The following CSF2RA variants were observed in gnomAD, a reference collection of about 807,000 sequenced individuals.
CSF2RA encodes the protein colony stimulating factor 2 receptor subunit alpha.
In CSF2RA, 42 loss-of-function variants were observed where a neutral mutation model predicts 51.6. That is an observed-to-expected ratio of 0.81 (90% CI 0.64 to 1.05). CSF2RA has a LOEUF of 1.05. Among genes scored for constraint, CSF2RA ranks in the 50% least tolerant of loss-of-function variants. The probability of loss-of-function intolerance (pLI) is 0.00; values close to 1 mark genes in which losing one functional copy is unlikely to be tolerated. For missense variants in CSF2RA, 530 were observed against 501.1 expected (o/e 1.06, Z -0.55); for synonymous variants, 222 against 193.0 (o/e 1.15, Z -1.24).
rs200259335 is a variant in CSF2RA, at chrX:1,305,525, G to C, written c.1123G>C (p.Glu375Gln). 5 of 1,613,982 alleles carry C rather than the reference G, an allele frequency of 3.1e-6. No homozygotes were observed. Among genetic ancestry groups the C allele is most frequent in the Non-Finnish European group, 4.2e-6 (5 of 1,179,874 alleles). ...GAATGATAACCATGAGGTGGAAGAC[G>C]AGGTAGGCAGGGGTGGGCGGAGCAG... The part of the protein sequence containing the change: ...KLNDNHEVED[E>Q]IIWEEFTPEE... Residue 375 changes from glutamate (E) to glutamine (Q), a missense_variant and splice_region_variant, in exon 12 of 13, where the codon GAG (glutamate) becomes CAG (glutamine). Transcript: ENST00000381529.
chrX:1,294,167 T>A, intron 7 of CSF2RA, 161 bp from the exon 8 acceptor site: 1 of 851,968 alleles, frequency 1.2e-6, no homozygotes, highest in African/African-American at 1.7e-5. Context: ...GTCAAAGAGG[T>A]GTCCCTACTC....
chrX:1,306,061 G>A (rs2083535450), intron 12 of CSF2RA: 7 of 403,214 alleles, frequency 1.7e-5, no homozygotes, highest in Non-Finnish European at 2.8e-5. Flanking sequence ...CAGCCTGGGT[G>A]ACAGAGCGAG....
At chrX:1,311,181 G>A (rs190424177), downstream of CSF2RA, among the ~76,000 whole-genome samples, 39 of 151,752 alleles carry the variant, frequency 2.6e-4, 2 homozygotes, top group East Asian at 7.2e-3. Flanking sequence ...CCCGGGAGGC[G>A]GAGGTGGCAG....
In CSF2RA at chrX:1,287,695, C is replaced by G. The variant is rs111294565; in HGVS notation, c.220-824C>G. ...CTGACCTCAAGTGATCCACCCGCCT[C>G]GGCCTCCCAGAGTGCTGGCATTACA... On this transcript the variant is annotated intron_variant, in intron 4 of 12. Coordinates refer to ENST00000381529, the MANE Select transcript of CSF2RA (RefSeq NM_172245.4). 2.4e-5 allele frequency among the ~76,000 whole-genome samples: 3 copies of G among 125,782 alleles called. No individual in the cohort carries two copies. In the Admixed American group the frequency reaches 2.4e-4, roughly 10 times the overall value. The allele number at this position is 125,782 out of a possible 152,430, so 82.5% of individuals were successfully genotyped here.
intron 9 of CSF2RA, among the ~76,000 whole-genome samples, chrX:1,296,514 C>G (rs867181725): frequency 4.3e-5 from 1 of 23,088 alleles, no homozygotes; most frequent in African/African-American, 1.6e-4. Flanking sequence ...CCCATGACCC[C>G]TGGCGGAACT....
At chrX:1,306,875 G>A (rs181709924) in intron 12 of CSF2RA, among the ~76,000 whole-genome samples, 6 of 150,900 alleles carry the variant, frequency 4.0e-5, no homozygotes, top group Non-Finnish European at 7.4e-5. Context: ...GAGAGAGAGA[G>A]AGACAGAAAG....
chrX:1,310,540 CGCCTGTAGTCCCAGCT>C (rs749500939), downstream of CSF2RA, among the ~76,000 whole-genome samples: 304 of 151,152 alleles, frequency 2.0e-3, no homozygotes, highest in African/African-American at 7.2e-3. Flanking sequence ...TGGTAGCGGG[CGCCTGTAGTCCCAGCT>C]ACTCGGGAGG....
chrX:1,323,963 A>G, the CSF2RA span, among the ~76,000 whole-genome samples: 9 of 152,000 alleles, frequency 5.9e-5, no homozygotes, highest in African/African-American at 1.2e-4. Context: ...GTGGTGAGCC[A>G]AGATCACCCC....
rs747013292 is a variant in CSF2RA at position 1,309,754 on chromosome X, G to A, written c.*275G>A. On this transcript the variant is annotated 3_prime_UTR_variant, in exon 13 of 13. Transcript: ENST00000381529. ...ATGCAGAAATTTACCCAGGCACGGC[G>A]GCGGACGCCCATCATCCCAGCTACT... is the stretch of plus-strand genomic sequence containing the variant. 6.2e-5 allele frequency: 43 copies of A among 688,180 alleles called. No homozygotes were observed. The highest frequency in any genetic ancestry group is 5.4e-4 in the East Asian group (20 of 36,976). The allele number at this position is 688,180 out of a possible 1,614,324, so 42.6% of individuals were successfully genotyped here. A position where few individuals can be genotyped will look rare whatever the true frequency, so the allele number is the denominator to read the frequency against.
At chrX:1,274,294 G>A (rs1480619097) in intron 1 of CSF2RA, among the ~76,000 whole-genome samples, 8 of 151,818 alleles carry the variant, frequency 5.3e-5, no homozygotes, top group Non-Finnish European at 8.8e-5. Context: ...GATACACAGG[G>A]CACAATTTGC....
At chrX:1,317,246 C>CTTTTTTTTTTTTTTTTTTTTT in the CSF2RA span, among the ~76,000 whole-genome samples, 2 of 57,834 alleles carry the variant, frequency 3.5e-5, no homozygotes, top group African/African-American at 1.5e-4. Flanking sequence ...CCACGCTCAG[C>CTTTTTTTTTTTTTTTTTTTTT]TTTTTTTTTT....
At chrX:1,286,456 C>G (rs1446765428) in intron 4 of CSF2RA, among the ~76,000 whole-genome samples, 5 of 127,402 alleles carry the variant, frequency 3.9e-5, no homozygotes, top group Admixed American at 3.3e-4. Context: ...GTAATCCCAG[C>G]TACTCGGGAG....
chrX:1,295,880 C>A (rs1452213644), intron 9 of CSF2RA, among the ~76,000 whole-genome samples: 1 of 127,320 alleles, frequency 7.9e-6, no homozygotes, highest in Non-Finnish European at 1.7e-5. Flanking sequence ...ACTCTACAGT[C>A]CCCTACTCAT....
intron 12 of CSF2RA, among the ~76,000 whole-genome samples, chrX:1,307,503 A>C: frequency 6.9e-6 from 1 of 145,766 alleles, no homozygotes; most frequent in African/African-American, 2.6e-5. Flanking sequence ...AATGAGGCCC[A>C]CTCTCCCCGT....
intron 12 of CSF2RA, 93 bp from the exon 13 acceptor site, chrX:1,309,309 C>A: frequency 7.6e-7 from 1 of 1,310,288 alleles, no homozygotes; most frequent in Non-Finnish European, 1.1e-6. Flanking sequence ...AATGAGACTC[C>A]GTCTCGAGGG....
At chrX:1,311,819 G>A (rs1301540709), downstream of CSF2RA, among the ~76,000 whole-genome samples, 3 of 152,060 alleles carry the variant, frequency 2.0e-5, no homozygotes, top group South Asian at 4.1e-4. Flanking sequence ...AAGACGAGAC[G>A]GAAATTCATT....
At chrX:1,283,685 A>G (rs1185761608) in intron 3 of CSF2RA, among the ~76,000 whole-genome samples, 2 of 151,586 alleles carry the variant, frequency 1.3e-5, no homozygotes, top group Non-Finnish European at 2.9e-5. Context: ...CTCCTGCCTC[A>G]GCCTCCCGAG....
In CSF2RA at chrX:1,309,765, A is replaced by T. The variant is rs1355163345; in HGVS notation, c.*286A>T. ...TACCCAGGCACGGCGGCGGACGCCCATCATCCCAGCTACTTGGGAGGCTGA... is the reference window on the plus strand; with the variant it reads ...TACCCAGGCACGGCGGCGGACGCCCTTCATCCCAGCTACTTGGGAGGCTGA... On this transcript the variant is annotated 3_prime_UTR_variant, in exon 13 of 13. Transcript: ENST00000381529. The T allele has an allele frequency of 2.1e-5, 14 of 658,624 alleles. No homozygotes were observed. In the Admixed American group the frequency reaches 2.1e-4, roughly 10 times the overall value. 40.8% of individuals were successfully genotyped at this position (658,624 alleles called of 1,614,324 possible). A position where few individuals can be genotyped will look rare whatever the true frequency, so the allele number is the denominator to read the frequency against.
chrX:1,288,131 G>C (rs1163194791), intron 4 of CSF2RA, among the ~76,000 whole-genome samples: 1 of 151,964 alleles, frequency 6.6e-6, no homozygotes, highest in Non-Finnish European at 1.5e-5. Context: ...CTCGGAGGAA[G>C]CTTAGGGGGA....
Sources: allele counts gnomAD v4.1 joint callset (sites outside exome capture counted in the v4.1 genomes callset), GRCh38; gene constraint gnomAD v4.1.1; transcripts MANE v1.5; gene names NCBI Gene and HGNC (gene_info 2026-07-23, HGNC 2026-07-21).